Variants in MYO5B observed in about 807,000 individuals in gnomAD.
MYO5B encodes the protein myosin VB.
In MYO5B, 143 loss-of-function variants were observed where a neutral mutation model predicts 229.3. The observed-to-expected ratio is 0.62, with a 90% CI of 0.54 to 0.72. MYO5B has a LOEUF of 0.72. MYO5B is among the 30% of genes least tolerant of loss of function. MYO5B has a pLI of 0.00. For missense variants in MYO5B, 2,321 were observed against 2,331.0 expected (o/e 1.00, Z 0.09); for synonymous variants, 918 against 885.2 (o/e 1.04, Z -0.66).
chr18:49,836,608 TG>T, intron 38 of MYO5B, 102 bp downstream of exon 38: 1 of 1,335,424 alleles, frequency 7.5e-7, no homozygotes, highest in Non-Finnish European at 1.1e-6. Context: ...ATATAAAGGG[TG>T]GGAGTGCAAC....
Position 49,933,866 on chromosome 18 carries a change from T to C in MYO5B, c.2003+2386A>G, listed in dbSNP as rs375338825. On this transcript the variant is annotated intron_variant, in intron 16 of 39. Transcript: ENST00000285039. ...ATGAATAATTCCTATTCAGATTCTT[T>C]CATCAGGATACTTATTTTTATTTTT... Among the ~76,000 whole-genome samples, 33 of 152,304 alleles carry C rather than the reference T, an allele frequency of 2.2e-4. 1 individual carries two copies. The South Asian group carries it at 6.8e-3, about 32-fold the overall frequency.
At chr18:49,923,441 T>A (rs1230548916) in intron 17 of MYO5B, among the ~76,000 whole-genome samples, 1 of 152,174 alleles carries the variant, frequency 6.6e-6, no homozygotes, top group Non-Finnish European at 1.5e-5. Context: ...TCATTCTACA[T>A]AGAACCCATG....
chr18:50,188,803 A>C (rs1412235467), intron 1 of MYO5B, among the ~76,000 whole-genome samples: 7 of 64,208 alleles, frequency 1.1e-4, no homozygotes, highest in East Asian at 1.4e-3. Context: ...AAAAAAAAAA[A>C]AAAAAAAAAA....
At chr18:50,108,234 C>T (rs1166874808) in intron 1 of MYO5B, among the ~76,000 whole-genome samples, 6 of 152,184 alleles carry the variant, frequency 3.9e-5, no homozygotes, top group Non-Finnish European at 8.8e-5. Context: ...GAAATAACTC[C>T]TTTGCTTCTC....
chr18:49,866,910 G>A (rs777528221), intron 27 of MYO5B, among the ~76,000 whole-genome samples: 1 of 152,210 alleles, frequency 6.6e-6, no homozygotes, highest in African/African-American at 2.4e-5. Flanking sequence ...GAACAGGTCT[G>A]ACAGCTAAAG....
At chr18:49,963,530 C>G (rs1395116937) in intron 10 of MYO5B, among the ~76,000 whole-genome samples, 1 of 152,002 alleles carries the variant, frequency 6.6e-6, no homozygotes, top group Non-Finnish European at 1.5e-5. Context: ...TCAAGGGATC[C>G]TCCCACCTCA....
At chr18:50,090,479 C>T (rs942688908) in intron 1 of MYO5B, among the ~76,000 whole-genome samples, 1 of 152,128 alleles carries the variant, frequency 6.6e-6, no homozygotes, top group African/African-American at 2.4e-5. Context: ...TAGGTAGTAT[C>T]CCTCCTTGAG....
chr18:49,835,366 A>G lies in MYO5B; in HGVS notation c.5372T>C (p.Val1791Ala), dbSNP rs1297070373. 2 of 1,611,282 alleles carry G rather than the reference A, an allele frequency of 1.2e-6. No individual in the cohort carries two copies. The highest frequency in any genetic ancestry group is 1.1e-5 in the South Asian group (1 of 90,990). Residue 1791 changes from valine (V) to alanine (A), a missense_variant, in exon 39 of 40, where the codon GTG becomes GCG. Val to Ala is a moderately conservative substitution (Grantham distance 64). Transcript: ENST00000285039. ...PLNEFEERVT[V>A]AFIRTIQAQL... Reference sequence around the variant, plus strand: ...CACCTGGATTGTTCGTATAAAGGCCACTGTTACCCGTTCTTCAAATTCATT... The same window carrying G: ...CACCTGGATTGTTCGTATAAAGGCCGCTGTTACCCGTTCTTCAAATTCATT...
intron 22 of MYO5B, among the ~76,000 whole-genome samples, chr18:49,892,415 G>A (rs184848461): frequency 1.3e-4 from 20 of 152,272 alleles, no homozygotes; most frequent in African/African-American, 4.6e-4. Flanking sequence ...AATTAATATC[G>A]TCAGAGATGG....
chr18:50,095,574 G>A (rs2031534479), intron 1 of MYO5B, among the ~76,000 whole-genome samples: 1 of 152,214 alleles, frequency 6.6e-6, no homozygotes, highest in Admixed American at 6.5e-5. Context: ...TCTGCACTGA[G>A]CCCTTAGACA....
intron 29 of MYO5B, among the ~76,000 whole-genome samples, chr18:49,860,142 T>A (rs2024311432): frequency 6.6e-6 from 1 of 151,682 alleles, no homozygotes; most frequent in African/African-American, 2.4e-5. Flanking sequence ...CACTTTGGAG[T>A]TTTACACTCT....
At chr18:50,036,438 A>G (rs868204001) in intron 4 of MYO5B, among the ~76,000 whole-genome samples, 4 of 152,234 alleles carry the variant, frequency 2.6e-5, no homozygotes, top group Non-Finnish European at 4.4e-5. Flanking sequence ...AAGTTGTCAA[A>G]GAGTCCTGGT....
chr18:49,826,465 G>A lies in MYO5B; in HGVS notation c.*6C>T, dbSNP rs1413168047. ...GGAATCAAACTAATGCTGGAAACAT[G>A]CATCTTCAGACTTCATTGAGGAATT... On this transcript the variant is annotated 3_prime_UTR_variant, in exon 40 of 40. Transcript: ENST00000285039. 6.2e-7 allele frequency: 1 copy of A among 1,613,516 alleles called. No homozygotes were observed. Among genetic ancestry groups the A allele is most frequent in the Middle Eastern group, 1.7e-4 (1 of 6,058 alleles).
intron 4 of MYO5B, among the ~76,000 whole-genome samples, chr18:50,025,461 TCTC>T (rs2026320436): frequency 6.6e-6 from 1 of 152,158 alleles, no homozygotes; most frequent in Non-Finnish European, 1.5e-5. Context: ...GATTTAAGGA[TCTC>T]CTCCCATCTC....
In MYO5B at chr18:50,194,890, T is replaced by C; in HGVS notation, c.-97A>G. On this transcript the variant is annotated 5_prime_UTR_variant, in exon 1 of 40. Coordinates refer to ENST00000285039, the MANE Select transcript of MYO5B (RefSeq NM_001080467.3). ...CTGGCGCCATGTTCCCGGGCTGGCCTGGAGTTTCTCGATCTTCTCGCTCTT... is the reference window on the plus strand; with the variant it reads ...CTGGCGCCATGTTCCCGGGCTGGCCCGGAGTTTCTCGATCTTCTCGCTCTT... 1.6e-6 allele frequency: 2 copies of C among 1,225,126 alleles called. No homozygotes were observed. The highest frequency in any genetic ancestry group is 2.0e-6 in the Non-Finnish European group (2 of 983,960). The allele number at this position is 1,225,126 out of a possible 1,614,324, so 75.9% of individuals were successfully genotyped here. A position where few individuals can be genotyped will look rare whatever the true frequency, so the allele number is the denominator to read the frequency against.
At position 49,953,356 on chromosome 18, in the gene MYO5B, C is replaced by T. The variant is rs753500135; in HGVS notation, c.1669-13G>A. 2 of 1,612,358 alleles carry T rather than the reference C, an allele frequency of 1.2e-6. No individual in the cohort carries two copies. The highest frequency in any genetic ancestry group is 3.3e-5 in the Admixed American group (2 of 60,030). ...AGAGGTACTCCACCTGGGGCCACAG[C>T]AACCAGAGAGAGACACAGTCGTTAG... On this transcript the variant is annotated splice_polypyrimidine_tract_variant and intron_variant, in intron 13 of 39. Transcript: ENST00000285039.
intron 9 of MYO5B, among the ~76,000 whole-genome samples, chr18:49,975,489 G>A (rs923395248): frequency 5.9e-5 from 9 of 152,092 alleles, no homozygotes; most frequent in Non-Finnish European, 1.2e-4. Context: ...AAGCAGGCTC[G>A]CTTTCTTCTT....
At chr18:50,040,535 CAT>C (rs2029982784) in intron 2 of MYO5B, among the ~76,000 whole-genome samples, 1 of 152,230 alleles carries the variant, frequency 6.6e-6, no homozygotes, top group Non-Finnish European at 1.5e-5. Context: ...GCTCAGGAAA[CAT>C]AACCAGGTCT....
In MYO5B at chr18:49,836,787, A is replaced by C; in HGVS notation, c.5237T>G (p.Leu1746Arg). 6.2e-7 allele frequency: 1 copy of C among 1,614,186 alleles called. No individual in the cohort carries two copies. The highest frequency in any genetic ancestry group is 1.1e-5 in the South Asian group (1 of 91,084). ...TMEPLIQAAQ[L>R]LQLKKKTQED... ...CTGGGTTTTCTTCTTTAATTGCAGGAGCTGGGCTGCTTGGATCAGAGGTTC... is the reference window on the plus strand; with the variant it reads ...CTGGGTTTTCTTCTTTAATTGCAGGCGCTGGGCTGCTTGGATCAGAGGTTC... The change falls in exon 38 of 40, where the codon CTC becomes CGC. Residue 1746 changes from leucine (L) to arginine (R), a missense_variant. Leu to Arg is a moderately radical substitution (Grantham distance 102). Transcript: ENST00000285039.
Sources: gnomAD v4.1 joint callset for allele counts (sites outside exome capture counted in the v4.1 genomes callset) on GRCh38, gnomAD v4.1.1 for gene constraint, MANE v1.5 for transcripts, NCBI Gene and HGNC (gene_info 2026-07-23, HGNC 2026-07-21) for gene names.